RYR2: variants seen among roughly 807,000 people sequenced by gnomAD.
The protein encoded by RYR2 is cardiac muscle ryanodine receptor-calcium release channel.
In RYR2, 227 loss-of-function variants were observed where a neutral mutation model predicts 601.1. That is an observed-to-expected ratio of 0.38 (90% CI 0.34 to 0.42). The LOEUF (loss-of-function observed/expected upper bound fraction) is 0.42, where lower values mean the gene tolerates loss of function less well. Ranked by LOEUF, RYR2 falls within the 10% of genes least tolerant of loss-of-function variation. RYR2 has a pLI of 1.00. For missense variants in RYR2, 4,646 were observed against 6,156.5 expected, an observed-to-expected ratio of 0.75 and a Z score of 8.21; for synonymous variants, 2,223 against 2,175.1, an observed-to-expected ratio of 1.02 and a Z score of -0.61.
At chr1:237,703,373 A>G (rs1027513844) in intron 66 of RYR2, among the ~76,000 whole-genome samples, 4 of 151,386 alleles carry the variant, frequency 2.6e-5, no homozygotes, top group Non-Finnish European at 5.9e-5. Flanking sequence ...ATTACCATCT[A>G]CTTGCTATTT....
intron 24 of RYR2, among the ~76,000 whole-genome samples, chr1:237,518,764 G>A (rs942213691): frequency 5.3e-5 from 8 of 152,056 alleles, no homozygotes; most frequent in South Asian, 2.1e-4. Context: ...CTTTTCCTTC[G>A]GGTAGATATC....
rs1682463947 is a variant in RYR2 at position 237,649,120 on chromosome 1, T to C, written c.7512+507T>C. Reference sequence around the variant, plus strand: ...GGCCCACATGGAGAATCTGCCATTATCAGCTTAAATGTTCTTTTCTTTGAA... The same window carrying C: ...GGCCCACATGGAGAATCTGCCATTACCAGCTTAAATGTTCTTTTCTTTGAA... On this transcript the variant is annotated intron_variant, in intron 49 of 104. Coordinates refer to ENST00000366574, the MANE Select transcript of RYR2 (RefSeq NM_001035.3). 2.0e-5 allele frequency among the ~76,000 whole-genome samples: 3 copies of C among 152,250 alleles called. No homozygotes were observed. The South Asian group carries it at 6.2e-4, about 31-fold the overall frequency.
intron 1 of RYR2, among the ~76,000 whole-genome samples, chr1:237,054,342 C>T (rs2148173360): frequency 6.7e-6 from 1 of 148,306 alleles, no homozygotes; most frequent in African/African-American, 2.5e-5. Context: ...TCCCCCCCTC[C>T]CTCCATCTGT....
intron 1 of RYR2, among the ~76,000 whole-genome samples, chr1:237,142,034 G>T (rs1383147097): frequency 1.3e-5 from 2 of 152,340 alleles, no homozygotes; most frequent in South Asian, 4.1e-4. Flanking sequence ...CAGCCAATCA[G>T]ATATATTCTT....
At chr1:237,272,834 CA>C (rs1201418641) in intron 2 of RYR2, among the ~76,000 whole-genome samples, 1 of 151,826 alleles carries the variant, frequency 6.6e-6, no homozygotes, top group Admixed American at 6.6e-5. Context: ...AGCTGAATAA[CA>C]GGCCAGAATT....
intron 1 of RYR2, among the ~76,000 whole-genome samples, chr1:237,256,369 C>T (rs186406631): frequency 1.4e-3 from 219 of 152,252 alleles, no homozygotes; most frequent in African/African-American, 4.2e-3. Context: ...TAGACTAATA[C>T]AGTAAGTTGG....
In RYR2 at chr1:237,660,827, C is replaced by G; in HGVS notation, c.8316C>G (p.Arg2772=). 4 of 1,543,420 alleles carry G rather than the reference C, an allele frequency of 2.6e-6. No homozygotes were observed. The highest frequency in any genetic ancestry group is 3.5e-6 in the Non-Finnish European group (4 of 1,142,086). Residue 2772 remains arginine (R), a synonymous_variant, in exon 56 of 105, where the codon CGC becomes CGG. Coordinates refer to ENST00000366574, the MANE Select transcript of RYR2 (RefSeq NM_001035.3). ...LLSEKEKEIY[R]WPIKESLKTM... is the part of the protein sequence containing the mutation. ...TTCTCTAGGAAAAAGAAATTTATCG[C>G]TGGCCAATCAAAGAATCTTTAAAAA...
intron 71 of RYR2, among the ~76,000 whole-genome samples, chr1:237,713,909 A>G (rs554162947): frequency 5.7e-4 from 86 of 151,752 alleles, no homozygotes; most frequent in African/African-American, 2.0e-3. Flanking sequence ...TATAATTACT[A>G]TATCTAAAAT....
chr1:237,288,265 T>A (rs1348618351), intron 2 of RYR2, among the ~76,000 whole-genome samples: 1 of 152,246 alleles, frequency 6.6e-6, no homozygotes, highest in Non-Finnish European at 1.5e-5. Flanking sequence ...GGTGGCTGAA[T>A]GCTCTACTTT....
chr1:237,168,420 T>G (rs959892968), intron 1 of RYR2, among the ~76,000 whole-genome samples: 6 of 152,190 alleles, frequency 3.9e-5, no homozygotes, highest in Non-Finnish European at 8.8e-5. Flanking sequence ...CTATAAACTT[T>G]GATTGATGGT....
chr1:237,387,409 T>C (rs2149843452), intron 9 of RYR2, 29 bp downstream of exon 9: 1 of 1,586,042 alleles, frequency 6.3e-7, no homozygotes, highest in Non-Finnish European at 8.7e-7. Context: ...TTAGAGGGCC[T>C]GTCCTTGCTG....
chr1:237,651,351 A>G, intron 50 of RYR2, 60 bp from the exon 51 acceptor site: 1 of 1,125,674 alleles, frequency 8.9e-7, no homozygotes, highest in South Asian at 1.3e-5. Context: ...ATTCTAATGA[A>G]TGATCTACTT....
intron 24 of RYR2, among the ~76,000 whole-genome samples, chr1:237,516,441 T>G (rs1297925001): frequency 6.6e-6 from 1 of 152,140 alleles, no homozygotes; most frequent in Non-Finnish European, 1.5e-5. Flanking sequence ...TTCTAAATGT[T>G]GTGAATCTTT....
chr1:237,404,596 C>T (rs1703692396), intron 10 of RYR2, among the ~76,000 whole-genome samples: 2 of 152,184 alleles, frequency 1.3e-5, no homozygotes, highest in Non-Finnish European at 2.9e-5. Flanking sequence ...TATACACATC[C>T]TGTATATAAT....
intron 16 of RYR2, among the ~76,000 whole-genome samples, chr1:237,462,807 G>A (rs1313353421): frequency 2.6e-5 from 4 of 152,084 alleles, no homozygotes; most frequent in South Asian, 2.1e-4. Context: ...TGCACAGATC[G>A]GTGTTATTCT....
intron 1 of RYR2, among the ~76,000 whole-genome samples, chr1:237,103,830 A>G (rs1668384698): frequency 6.6e-6 from 1 of 152,126 alleles, no homozygotes; most frequent in Admixed American, 6.5e-5. Flanking sequence ...CGGCCTCCCA[A>G]AGTGTTGGGA....
chr1:237,107,471 G>A lies in RYR2; in HGVS notation c.48+64902G>A, dbSNP rs1289942827. 3.3e-5 allele frequency among the ~76,000 whole-genome samples: 4 copies of A among 121,206 alleles called. No individual in the cohort carries two copies. The Admixed American group carries it at 3.5e-4, about 11-fold the overall frequency. The allele number at this position is 121,206 out of a possible 152,430, so 79.5% of individuals were successfully genotyped here. A position where few individuals can be genotyped will look rare whatever the true frequency, so the allele number is the denominator to read the frequency against. ...AGAGGTGGAGTTTGCAGTGAGCCGAGATCGCACCACTGCACTCCAGCCTGG... is the reference window on the plus strand; with the variant it reads ...AGAGGTGGAGTTTGCAGTGAGCCGAAATCGCACCACTGCACTCCAGCCTGG... On this transcript the variant is annotated intron_variant, in intron 1 of 104. Coordinates refer to ENST00000366574, the MANE Select transcript of RYR2 (RefSeq NM_001035.3).
intron 98 of RYR2, among the ~76,000 whole-genome samples, chr1:237,803,435 G>T (rs1330729992): frequency 6.6e-6 from 1 of 152,034 alleles, no homozygotes; most frequent in Non-Finnish European, 1.5e-5. Context: ...TGAGTAGCTG[G>T]GACTACAGGC....
chr1:237,636,621 T>C (rs747123756), intron 44 of RYR2, among the ~76,000 whole-genome samples: 1 of 152,228 alleles, frequency 6.6e-6, no homozygotes, highest in Non-Finnish European at 1.5e-5. Flanking sequence ...TGGCAGTTCC[T>C]TAACAAATTA....
Sources: gnomAD v4.1 joint callset for allele counts (sites outside exome capture counted in the v4.1 genomes callset) on GRCh38, gnomAD v4.1.1 for gene constraint, MANE v1.5 for transcripts, NCBI Gene and HGNC (gene_info 2026-07-23, HGNC 2026-07-21) for gene names.